FANCL: variants seen among roughly 807,000 people sequenced by gnomAD.
FANCL encodes the protein FA complementation group L.
A neutral mutation model predicts 59.4 loss-of-function variants in FANCL; 69 were observed. That is an observed-to-expected ratio of 1.16 (90% confidence interval 0.96 to 1.42). The LOEUF (loss-of-function observed/expected upper bound fraction) is 1.42. Ranked by LOEUF, FANCL falls within the 40% of genes most tolerant of loss-of-function variation. FANCL has a pLI of 0.00. For synonymous variants in FANCL, 180 were observed against 147.1 expected (o/e 1.22, Z -1.62); for missense variants, 519 against 447.2 (o/e 1.16, Z -1.45).
At chr2:58,161,000 A>G (rs1389150846) in intron 12 of FANCL, among the ~76,000 whole-genome samples, 1 of 152,034 alleles carries the variant, frequency 6.6e-6, no homozygotes, top group East Asian at 1.9e-4. Context: ...CTTCACATAC[A>G]GTAAGTAAAG....
upstream of FANCL, chr2:58,241,337 G>A (rs771596442): frequency 1.2e-6 from 2 of 1,611,958 alleles, no homozygotes; most frequent in Non-Finnish European, 1.7e-6. Flanking sequence ...GAGAAACACA[G>A]AAAAGCTCTA....
chr2:58,167,958 T>G (rs1278075083), intron 7 of FANCL, among the ~76,000 whole-genome samples: 1 of 152,160 alleles, frequency 6.6e-6, no homozygotes, highest in East Asian at 1.9e-4. Flanking sequence ...ACCCTTATTT[T>G]GAATTTTTTC....
chr2:58,212,377 G>T (rs1338627661), intron 5 of FANCL, among the ~76,000 whole-genome samples: 1 of 152,120 alleles, frequency 6.6e-6, no homozygotes, highest in Non-Finnish European at 1.5e-5. Flanking sequence ...GCAACACATG[G>T]GAATTGTGGG....
chr2:58,229,954 G>A, intron 2 of FANCL, 80 bp from the exon 3 acceptor site: 2 of 949,434 alleles, frequency 2.1e-6, no homozygotes, highest in Non-Finnish European at 3.4e-6. Flanking sequence ...AAACATGCAT[G>A]TACATACAAA....
chr2:58,238,431 G>A (rs1345044187), intron 1 of FANCL, among the ~76,000 whole-genome samples: 2 of 152,106 alleles, frequency 1.3e-5, no homozygotes, highest in Non-Finnish European at 2.9e-5. Flanking sequence ...GTAAATAGCA[G>A]CAAAAGATAA....
chr2:58,218,399 A>C (rs908816151), intron 5 of FANCL, among the ~76,000 whole-genome samples: 7 of 151,950 alleles, frequency 4.6e-5, no homozygotes, highest in Admixed American at 4.6e-4. Flanking sequence ...GCTCTTGCAA[A>C]ACTGATTAAG....
chr2:58,212,779 C>T (rs530889288), intron 5 of FANCL, among the ~76,000 whole-genome samples: 2 of 151,842 alleles, frequency 1.3e-5, no homozygotes, highest in East Asian at 1.9e-4. Context: ...CCTGTCATAC[C>T]ATCTTCACGT....
At chr2:58,178,071 C>G (rs1687542574) in intron 7 of FANCL, among the ~76,000 whole-genome samples, 1 of 152,068 alleles carries the variant, frequency 6.6e-6, no homozygotes, top group South Asian at 2.1e-4. Context: ...AGATCGATAA[C>G]AACTTCTGAA....
Position 58,204,231 on chromosome 2 carries a change from T to A in FANCL, c.375-5A>T, listed in dbSNP as rs2105148555. 1.2e-6 allele frequency: 2 copies of A among 1,609,844 alleles called. No individual in the cohort carries two copies. The highest frequency in any genetic ancestry group is 1.7e-6 in the Non-Finnish European group (2 of 1,176,272). On this transcript the variant is annotated splice_polypyrimidine_tract_variant and splice_region_variant and intron_variant, in intron 5 of 13. Transcript: ENST00000233741. Reference sequence around the variant, plus strand: ...CAGGTATCCGCATACACAAGTCTGGTGAGCAGAGGAGAATAAAAAATGATC... The same window carrying A: ...CAGGTATCCGCATACACAAGTCTGGAGAGCAGAGGAGAATAAAAAATGATC...
intron 7 of FANCL, among the ~76,000 whole-genome samples, chr2:58,180,161 T>C (rs961439941): frequency 6.6e-6 from 1 of 152,200 alleles, no homozygotes; most frequent in Non-Finnish European, 1.5e-5. Flanking sequence ...GAAGACAGTG[T>C]GGCGATTCCT....
At chr2:58,163,294 C>T (rs910914580) in intron 9 of FANCL, 140 bp downstream of exon 9, 1 of 753,666 alleles carries the variant, frequency 1.3e-6, no homozygotes, top group African/African-American at 1.8e-5. Flanking sequence ...ACACTACATA[C>T]TGGGCAACAA....
At chr2:58,224,904 C>T (rs1692836286) in intron 4 of FANCL, among the ~76,000 whole-genome samples, 1 of 151,882 alleles carries the variant, frequency 6.6e-6, no homozygotes, top group Non-Finnish European at 1.5e-5. Flanking sequence ...TATTTTTTCT[C>T]AGTTTTGTCC....
intron 7 of FANCL, among the ~76,000 whole-genome samples, chr2:58,171,149 A>C (rs1050078793): frequency 2.4e-4 from 36 of 152,210 alleles, no homozygotes; most frequent in African/African-American, 8.4e-4. Context: ...CAGCAAATGC[A>C]AAAGGATGGA....
At chr2:58,196,761 A>T (rs1689467665) in intron 7 of FANCL, among the ~76,000 whole-genome samples, 1 of 151,938 alleles carries the variant, frequency 6.6e-6, no homozygotes, top group Non-Finnish European at 1.5e-5. Flanking sequence ...AATTATCTAC[A>T]TCTAAAACAC....
Position 58,159,754 on chromosome 2 carries a change from G to C in FANCL, c.*11C>G. 5 of 1,613,026 alleles carry C rather than the reference G, an allele frequency of 3.1e-6. No individual in the cohort carries two copies. The highest frequency in any genetic ancestry group is 4.2e-6 in the Non-Finnish European group (5 of 1,179,518). On this transcript the variant is annotated 3_prime_UTR_variant, in exon 14 of 14. Coordinates refer to ENST00000233741, the MANE Select transcript of FANCL (RefSeq NM_018062.4). Reference sequence around the variant, plus strand: ...GTTTCCAGCTCTTCACCGAAATGTTGTATTCTTATTTCAGTGTTTCCTTCC... The same window carrying C: ...GTTTCCAGCTCTTCACCGAAATGTTCTATTCTTATTTCAGTGTTTCCTTCC...
rs1448782819 is a variant in FANCL at position 58,230,496 on chromosome 2, A to G, written c.156-622T>C. ...AAGATACATACTTCTAATTAATTGT[A>G]TAAGAAGTGATAAGTTAATGTTCAT... is the stretch of plus-strand genomic sequence containing the variant. On this transcript the variant is annotated intron_variant, in intron 2 of 13. Transcript: ENST00000233741. Among the ~76,000 whole-genome samples the G allele has an allele frequency of 2.0e-5, 3 of 152,202 alleles. No individual in the cohort carries two copies. The East Asian group carries it at 5.8e-4, about 29-fold the overall frequency.
intron 7 of FANCL, among the ~76,000 whole-genome samples, chr2:58,190,499 G>T (rs1409390505): frequency 6.8e-6 from 1 of 146,174 alleles, no homozygotes; most frequent in African/African-American, 2.5e-5. Context: ...AAGCCAATTA[G>T]TGGACCAGAA....
chr2:58,169,553 T>A (rs188161103), intron 7 of FANCL, among the ~76,000 whole-genome samples: 1 of 151,978 alleles, frequency 6.6e-6, no homozygotes, highest in Non-Finnish European at 1.5e-5. Flanking sequence ...GAGAATGAGT[T>A]TGACAAACTG....
chr2:58,173,964 A>C (rs575616190), intron 7 of FANCL, among the ~76,000 whole-genome samples: 4 of 152,126 alleles, frequency 2.6e-5, no homozygotes, highest in African/African-American at 9.6e-5. Context: ...AATGGAAAAC[A>C]AAAAAAGGCA....
Sources: gnomAD v4.1 joint callset for allele counts (sites outside exome capture counted in the v4.1 genomes callset) on GRCh38, gnomAD v4.1.1 for gene constraint, MANE v1.5 for transcripts, NCBI Gene and HGNC (gene_info 2026-07-23, HGNC 2026-07-21) for gene names.